CSMD1: variants seen among roughly 807,000 people sequenced by gnomAD.
The protein encoded by CSMD1 is CUB and Sushi multiple domains 1, also known as CUB and sushi domain-containing protein 1.
Under a neutral mutation model 417.5 loss-of-function variants are expected in CSMD1, and 213 were observed. The observed-to-expected ratio is 0.51, with a 90% CI of 0.46 to 0.57. The LOEUF (loss-of-function observed/expected upper bound fraction) is 0.57, where lower values mean the gene tolerates loss of function less well. CSMD1 is among the 20% of genes least tolerant of loss of function. The pLI is 0.00. For synonymous variants in CSMD1, 2,862 were observed against 1,736.8 expected (o/e 1.65, Z -16.11); for missense variants, 6,923 against 4,529.7 (o/e 1.53, Z -15.17).
chr8:3,409,905 G>A (rs1417244475), intron 12 of CSMD1, among the ~76,000 whole-genome samples: 2 of 152,180 alleles, frequency 1.3e-5, no homozygotes, highest in South Asian at 2.1e-4. Flanking sequence ...GGATACCTCC[G>A]ATCTTTTATC....
chr8:4,934,926 TC>T (rs1206128827), intron 1 of CSMD1, among the ~76,000 whole-genome samples: 1 of 152,192 alleles, frequency 6.6e-6, no homozygotes, highest in Non-Finnish European at 1.5e-5. Flanking sequence ...TCAGCAATCA[TC>T]CATCAATCAT....
At chr8:3,615,160 T>A (rs1274716699) in intron 8 of CSMD1, among the ~76,000 whole-genome samples, 1 of 152,144 alleles carries the variant, frequency 6.6e-6, no homozygotes, top group Non-Finnish European at 1.5e-5. Context: ...CTCACTGCAT[T>A]GCTAATAACT....
Position 3,044,692 on chromosome 8 carries a change from G to A in CSMD1, c.7660+7770C>T, listed in dbSNP as rs527880221. On this transcript the variant is annotated intron_variant, in intron 50 of 69. Coordinates refer to ENST00000635120, the MANE Select transcript of CSMD1 (RefSeq NM_033225.6). ...GAGATCTGCACCACTGCAAGAAGGC[G>A]GCAAATGGAAGCATAATTCCTTATT... Among the ~76,000 whole-genome samples, 7 of 151,996 alleles carry A rather than the reference G, an allele frequency of 4.6e-5. No individual in the cohort carries two copies. In the East Asian group the frequency reaches 7.7e-4, roughly 17 times the overall value.
At chr8:3,544,093 C>T (rs1299191152) in intron 10 of CSMD1, among the ~76,000 whole-genome samples, 4 of 152,038 alleles carry the variant, frequency 2.6e-5, no homozygotes, top group African/African-American at 4.8e-5. Context: ...TGAACCAGAG[C>T]GACTCCATCT....
At chr8:3,962,312 C>T (rs1812385030) in intron 5 of CSMD1, among the ~76,000 whole-genome samples, 1 of 92,702 alleles carries the variant, frequency 1.1e-5, no homozygotes, top group African/African-American at 3.5e-5. Flanking sequence ...GGATTTGGTT[C>T]CAGCAGTGAC....
chr8:4,516,856 T>C (rs1173652476), intron 2 of CSMD1, among the ~76,000 whole-genome samples: 1 of 152,160 alleles, frequency 6.6e-6, no homozygotes, highest in African/African-American at 2.4e-5. Flanking sequence ...GCCAATTTTT[T>C]TTCTTTATAC....
At chr8:4,730,287 A>G (rs188830253) in intron 1 of CSMD1, among the ~76,000 whole-genome samples, 1 of 152,320 alleles carries the variant, frequency 6.6e-6, no homozygotes, top group African/African-American at 2.4e-5. Flanking sequence ...ACAACTGTGA[A>G]GACAGTTCAT....
intron 1 of CSMD1, among the ~76,000 whole-genome samples, chr8:4,749,450 A>C (rs1374596513): frequency 2.0e-5 from 3 of 152,216 alleles, no homozygotes; most frequent in African/African-American, 7.2e-5. Flanking sequence ...CATGGAAATA[A>C]GGTTAAGACC....
chr8:4,330,729 C>T (rs1056565403), intron 3 of CSMD1, among the ~76,000 whole-genome samples: 15 of 152,102 alleles, frequency 9.9e-5, no homozygotes, highest in Non-Finnish European at 1.6e-4. Flanking sequence ...CAATCAAGTT[C>T]GTGACTTATC....
At chr8:3,804,202 G>A (rs1800607125) in intron 5 of CSMD1, among the ~76,000 whole-genome samples, 1 of 152,054 alleles carries the variant, frequency 6.6e-6, no homozygotes. Context: ...GAAGTGTTGG[G>A]ATTACAAGTG....
chr8:3,407,992 G>C lies in CSMD1; in HGVS notation c.1978C>G (p.Pro660Ala), dbSNP rs1050099966. The change falls in exon 14 of 70, where the codon CCT becomes GCT. Residue 660 changes from proline to alanine, a missense_variant. Coordinates refer to ENST00000635120, the MANE Select transcript of CSMD1 (RefSeq NM_033225.6). ...TGCCCACTGCTGGCCAGCTGGGAAG[G>C]CACTTCATTGCCAGAAAAAGTACCC... is the stretch of plus-strand genomic sequence containing the variant. ...VLGTFSGNEV[P>A]SQLASSGHIV... 1.2e-5 allele frequency: 19 copies of C among 1,613,860 alleles called. No individual in the cohort carries two copies. The highest frequency in any genetic ancestry group is 1.5e-5 in the Non-Finnish European group (18 of 1,179,844).
At chr8:4,011,063 C>A (rs1435518633) in intron 4 of CSMD1, among the ~76,000 whole-genome samples, 1 of 152,134 alleles carries the variant, frequency 6.6e-6, no homozygotes, top group African/African-American at 2.4e-5. Context: ...ATCCTCACTG[C>A]CACCTGATGA....
At chr8:4,790,438 T>G (rs752532209) in intron 1 of CSMD1, among the ~76,000 whole-genome samples, 12 of 152,120 alleles carry the variant, frequency 7.9e-5, no homozygotes, top group Non-Finnish European at 1.8e-4. Context: ...ACTATTCCTT[T>G]CAAACTACCA....
intron 1 of CSMD1, among the ~76,000 whole-genome samples, chr8:4,816,814 C>A (rs893161911): frequency 1.6e-4 from 25 of 152,036 alleles, no homozygotes; most frequent in South Asian, 2.1e-4. Flanking sequence ...TGTCACAGAG[C>A]CAGAACTGAG....
intron 6 of CSMD1, among the ~76,000 whole-genome samples, chr8:3,732,043 C>CAA (rs34717541): frequency 9.9e-5 from 15 of 151,592 alleles, no homozygotes; most frequent in Middle Eastern, 6.9e-3. Context: ...ATTTTTTAGA[C>CAA]AAAAAAAATG....
chr8:4,354,058 T>C lies in CSMD1; in HGVS notation c.415+65895A>G, dbSNP rs111514666. ...CCATACCAGTGTCTATGCAGCTATA[T>C]ATCATTTCAGAAATCTGCATGGCAA... On this transcript the variant is annotated intron_variant, in intron 3 of 69. Transcript: ENST00000635120. 4.9e-4 allele frequency among the ~76,000 whole-genome samples: 74 copies of C among 152,322 alleles called. 1 individual carries two copies. The highest frequency in any genetic ancestry group is 1.5e-3 in the African/African-American group (62 of 41,564).
At chr8:4,783,239 A>G (rs1490250691) in intron 1 of CSMD1, among the ~76,000 whole-genome samples, 2 of 152,224 alleles carry the variant, frequency 1.3e-5, no homozygotes, top group African/African-American at 4.8e-5. Flanking sequence ...ACATATCATG[A>G]TGTCCACTGT....
At chr8:3,945,190 A>T (rs553962961) in intron 5 of CSMD1, among the ~76,000 whole-genome samples, 1 of 151,852 alleles carries the variant, frequency 6.6e-6, no homozygotes, top group Non-Finnish European at 1.5e-5. Context: ...AAAAAAAAAA[A>T]AAAAAAACAG....
intron 7 of CSMD1, among the ~76,000 whole-genome samples, chr8:3,661,250 G>A (rs527347750): frequency 2.0e-5 from 3 of 152,132 alleles, no homozygotes; most frequent in African/African-American, 7.2e-5. Flanking sequence ...CTCAGCCTTG[G>A]CCAGTCCCAG....
Sources: gnomAD v4.1 joint callset for allele counts (sites outside exome capture counted in the v4.1 genomes callset) on GRCh38, gnomAD v4.1.1 for gene constraint, MANE v1.5 for transcripts, NCBI Gene and HGNC (gene_info 2026-07-23, HGNC 2026-07-21) for gene names.